Variants in NAV3 observed in about 807,000 individuals in gnomAD.
NAV3 encodes the protein pore membrane and/or filament interacting like protein 1.
In NAV3, 87 loss-of-function variants were observed where a neutral mutation model predicts 244.7. The ratio of observed to expected loss-of-function variants is 0.36; its 90% CI spans 0.30 to 0.42. The LOEUF is 0.42. NAV3 is among the 20% of genes least tolerant of loss of function. The pLI is 1.00. For synonymous variants in NAV3, 1,126 were observed against 1,042.2 expected, an observed-to-expected ratio of 1.08 and a Z score of -1.55; for missense variants, 2,663 against 2,893.3, an observed-to-expected ratio of 0.92 and a Z score of 1.83.
At chr12:77,874,146 T>C (rs1048002086) in intron 1 of NAV3, among the ~76,000 whole-genome samples, 4 of 152,020 alleles carry the variant, frequency 2.6e-5, no homozygotes, top group African/African-American at 9.7e-5. Context: ...GTGAAACTGG[T>C]CCCTGGTGCC....
intron 1 of NAV3, among the ~76,000 whole-genome samples, chr12:77,838,784 A>G (rs1482450972): frequency 6.6e-6 from 1 of 152,202 alleles, no homozygotes; most frequent in Non-Finnish European, 1.5e-5. Flanking sequence ...TTGTATTAGG[A>G]GCTCAAATTT....
intron 2 of NAV3, among the ~76,000 whole-genome samples, chr12:77,787,217 G>T (rs768260607): frequency 1.1e-4 from 17 of 152,142 alleles, no homozygotes; most frequent in Non-Finnish European, 2.1e-4. Context: ...TACTGGTATT[G>T]CATACTTCAT....
chr12:77,890,079 T>G (rs1290194044), intron 1 of NAV3, among the ~76,000 whole-genome samples: 1 of 152,182 alleles, frequency 6.6e-6, no homozygotes. Context: ...TTATATCTTA[T>G]GTTAGTCTCA....
intron 2 of NAV3, among the ~76,000 whole-genome samples, chr12:77,772,677 A>T (rs1205245451): frequency 6.6e-6 from 1 of 152,104 alleles, no homozygotes; most frequent in Admixed American, 6.6e-5. Flanking sequence ...GAGAGGTTCT[A>T]TTTCTGTGGG....
intron 8 of NAV3, among the ~76,000 whole-genome samples, chr12:78,017,747 A>G (rs544385627): frequency 1.3e-5 from 2 of 152,290 alleles, no homozygotes; most frequent in East Asian, 3.9e-4. Flanking sequence ...AAATTATTTC[A>G]TGAATCAACC....
chr12:78,108,008 G>A (rs1954895079), intron 12 of NAV3, among the ~76,000 whole-genome samples: 1 of 151,990 alleles, frequency 6.6e-6, no homozygotes, highest in African/African-American at 2.4e-5. Flanking sequence ...CCACCTAAAC[G>A]TTATGAAATG....
At chr12:78,196,778 AT>A (rs1212958462) in intron 34 of NAV3, among the ~76,000 whole-genome samples, 2 of 151,964 alleles carry the variant, frequency 1.3e-5, no homozygotes, top group Admixed American at 6.6e-5. Flanking sequence ...GAATTAACAC[AT>A]TAAAAATATT....
intron 2 of NAV3, among the ~76,000 whole-genome samples, chr12:77,583,616 A>G (rs1869467270): frequency 6.6e-6 from 1 of 152,172 alleles, no homozygotes; most frequent in African/African-American, 2.4e-5. Context: ...AGCACTTACC[A>G]TTTTATGAAT....
chr12:77,816,449 C>T (rs1872531047), intron 2 of NAV3, among the ~76,000 whole-genome samples: 4 of 152,170 alleles, frequency 2.6e-5, no homozygotes, highest in Admixed American at 2.6e-4. Context: ...ATTTGACTCT[C>T]TTTCCTTTGA....
intron 1 of NAV3, among the ~76,000 whole-genome samples, chr12:77,876,832 A>AG: frequency 6.6e-6 from 1 of 151,942 alleles, no homozygotes; most frequent in Middle Eastern, 3.4e-3. Flanking sequence ...CTTACTTTAA[A>AG]TTTTTTTCTG....
At chr12:78,111,594 C>A (rs1955095629) in intron 12 of NAV3, among the ~76,000 whole-genome samples, 1 of 152,084 alleles carries the variant, frequency 6.6e-6, no homozygotes, top group Non-Finnish European at 1.5e-5. Flanking sequence ...CAGAGACTGA[C>A]AATACCAAGT....
intron 1 of NAV3, among the ~76,000 whole-genome samples, chr12:77,881,574 A>G (rs1481101890): frequency 6.6e-6 from 1 of 152,178 alleles, no homozygotes; most frequent in Non-Finnish European, 1.5e-5. Flanking sequence ...TGGAAGTCCT[A>G]GTCAGAGCAA....
rs1566158689 is a variant in NAV3, at chr12:78,118,240, G to C, written c.2983G>C (p.Ala995Pro). The change falls in exon 14 of 40, where the codon GCC becomes CCC. Residue 995 changes from alanine to proline, a missense_variant. Physicochemically the swap from Ala to Pro is conservative, Grantham distance 27. Around this residue, in one of 6 missense-constraint regions of NAV3, gnomAD observed 1,521 missense variants for 1,497.0 expected, o/e 1.02. Transcript: ENST00000397909. ...AGGTTCCTGGAGAAGAGGCATGTCTGCCCAAGGAGGGGCGCCATCTAGGCA... is the reference window on the plus strand; with the variant it reads ...AGGTTCCTGGAGAAGAGGCATGTCTCCCCAAGGAGGGGCGCCATCTAGGCA... Reference protein sequence around the residue: ...QTGSWRRGMSAQGGAPSRQKA... With the variant: ...QTGSWRRGMSPQGGAPSRQKA... The C allele has an allele frequency of 1.2e-6, 2 of 1,613,250 alleles. No homozygotes were observed. Among genetic ancestry groups the C allele is most frequent in the Non-Finnish European group, 1.7e-6 (2 of 1,179,414 alleles).
chr12:78,141,228 T>C (rs924037074), intron 20 of NAV3, among the ~76,000 whole-genome samples: 2 of 152,136 alleles, frequency 1.3e-5, no homozygotes, highest in African/African-American at 4.8e-5. Flanking sequence ...TACCAGTGTT[T>C]CAAGTTCTTT....
At chr12:77,657,624 T>C (rs1177601835) in intron 2 of NAV3, among the ~76,000 whole-genome samples, 1 of 152,214 alleles carries the variant, frequency 6.6e-6, no homozygotes, top group African/African-American at 2.4e-5. Flanking sequence ...AGCATCATCC[T>C]GATACCAAAG....
At chr12:77,616,726 G>GCACA (rs201827482) in intron 2 of NAV3, among the ~76,000 whole-genome samples, 5,085 of 148,380 alleles carry the variant, frequency 0.034, 155 homozygotes, top group African/African-American at 0.083. Context: ...CTACACACAG[G>GCACA]CGCGCACACA....
At chr12:78,008,083 TC>T (rs1344203644) in intron 8 of NAV3, among the ~76,000 whole-genome samples, 1 of 152,226 alleles carries the variant, frequency 6.6e-6, no homozygotes, top group Non-Finnish European at 1.5e-5. Flanking sequence ...TTGCAAATGT[TC>T]TTCAAATGTT....
chr12:77,720,281 G>A (rs1041693781), intron 2 of NAV3, among the ~76,000 whole-genome samples: 4 of 151,804 alleles, frequency 2.6e-5, no homozygotes, highest in Admixed American at 6.6e-5. Context: ...CTACACATTT[G>A]AAAAAACAGT....
chr12:78,002,637 T>C (rs1177012867), intron 7 of NAV3, among the ~76,000 whole-genome samples: 1 of 152,158 alleles, frequency 6.6e-6, no homozygotes, highest in Admixed American at 6.5e-5. Context: ...GTCAAAGAAC[T>C]GAACTGTTTT....
Sources: gnomAD v4.1 joint callset for allele counts (sites outside exome capture counted in the v4.1 genomes callset) on GRCh38, gnomAD v4.1.1 for gene constraint, gnomAD v4.1.1 regional missense constraint, MANE v1.5 for transcripts, NCBI Gene and HGNC (gene_info 2026-07-23, HGNC 2026-07-21) for gene names.